The following IL16 variants were observed in gnomAD, a reference collection of about 807,000 sequenced individuals.
IL16 encodes pro-interleukin-16.
In IL16, 67 loss-of-function variants were observed where a neutral mutation model predicts 110.1. The ratio of observed to expected loss-of-function variants is 0.61; its 90% confidence interval spans 0.50 to 0.75. The LOEUF (loss-of-function observed/expected upper bound fraction) is 0.75. Ranked by LOEUF, IL16 falls within the 30% of genes least tolerant of loss-of-function variation. IL16 has a pLI of 0.00. For synonymous variants in IL16, 689 were observed against 662.9 expected (o/e 1.04, Z -0.61); for missense variants, 1,545 against 1,655.0 (o/e 0.93, Z 1.15).
At chr15:81,239,344 C>A (rs1009094547) in intron 2 of IL16, among the ~76,000 whole-genome samples, 5 of 152,122 alleles carry the variant, frequency 3.3e-5, no homozygotes, top group African/African-American at 1.2e-4. Flanking sequence ...AGAGCCCTTG[C>A]AGTGCTATTC....
At position 81,292,900 on chromosome 15, in the gene IL16, G is replaced by A. The variant is rs982973742; in HGVS notation, c.1765G>A (p.Val589Met). 1.2e-6 allele frequency: 2 copies of A among 1,614,054 alleles called. No individual in the cohort carries two copies. The highest frequency in any genetic ancestry group is 1.7e-5 in the Admixed American group (1 of 60,004). ...ACTGAAGAAATCCTTTGAGATTTTG[G>A]TGAGAAAGCCTATGTCCTCCAAGCC... ...LRLKKSFEIL[V>M]RKPMSSKPKP... Residue 589 changes from valine (V) to methionine (M), a missense_variant, in exon 12 of 19, where the codon GTG (valine) becomes ATG (methionine). Physicochemically the swap from Val to Met is conservative, Grantham distance 21. Coordinates refer to ENST00000683961, the MANE Select transcript of IL16 (RefSeq NM_172217.5).
chr15:81,297,141 T>C (rs1372369955), intron 13 of IL16, 63 bp downstream of exon 13: 3 of 1,523,324 alleles, frequency 2.0e-6, no homozygotes, highest in Non-Finnish European at 2.7e-6. Context: ...AGGGATAAGA[T>C]AAGAGCACAA....
At chr15:81,277,007 T>A (rs1199891678) in intron 6 of IL16, among the ~76,000 whole-genome samples, 3 of 147,560 alleles carry the variant, frequency 2.0e-5, no homozygotes, top group Admixed American at 6.7e-5. Context: ...GAATATAAAC[T>A]GTAAGACAAG....
chr15:81,203,068 A>C (rs972583386), intron 1 of IL16, among the ~76,000 whole-genome samples: 16 of 152,048 alleles, frequency 1.1e-4, no homozygotes, highest in Admixed American at 1.3e-4. Context: ...CATTTCTCTG[A>C]TGGCCAGTGA....
chr15:81,307,156 T>G (rs1596061430), intron 18 of IL16, among the ~76,000 whole-genome samples: 1 of 152,336 alleles, frequency 6.6e-6, no homozygotes, highest in East Asian at 1.9e-4. Context: ...GGCTACCATG[T>G]AAAACCATCC....
In IL16 at chr15:81,259,764, T is replaced by G; in HGVS notation, c.313-8T>G. 1 of 1,600,066 alleles carries G rather than the reference T, an allele frequency of 6.2e-7. No individual in the cohort carries two copies. Among genetic ancestry groups the G allele is most frequent in the South Asian group, 1.1e-5 (1 of 90,758 alleles). ...TTGCTGAATAAAAAGACGGCAATTGTTTTGCAGGAATCTTCCACAGCTTCC... is the reference window on the plus strand; with the variant it reads ...TTGCTGAATAAAAAGACGGCAATTGGTTTGCAGGAATCTTCCACAGCTTCC... On this transcript the variant is annotated splice_polypyrimidine_tract_variant and splice_region_variant and intron_variant, in intron 2 of 18. Coordinates refer to ENST00000683961, the MANE Select transcript of IL16 (RefSeq NM_172217.5).
chr15:81,255,270 G>A (rs1897905738), intron 2 of IL16, among the ~76,000 whole-genome samples: 1 of 152,148 alleles, frequency 6.6e-6, no homozygotes, highest in Non-Finnish European at 1.5e-5. Flanking sequence ...AACTTGGGTC[G>A]AGATAGAACA....
At chr15:81,219,445 T>G (rs1031036187) in intron 1 of IL16, among the ~76,000 whole-genome samples, 1 of 150,218 alleles carries the variant, frequency 6.7e-6, no homozygotes, top group Non-Finnish European at 1.5e-5. Context: ...AGGTAATATA[T>G]TACCTCCATA....
intron 2 of IL16, among the ~76,000 whole-genome samples, chr15:81,234,696 T>C (rs1897123031): frequency 6.6e-6 from 1 of 152,256 alleles, no homozygotes; most frequent in East Asian, 1.9e-4. Flanking sequence ...CCTGCATTTA[T>C]GTGTTTCTCG....
At chr15:81,215,541 C>G (rs1896394864) in intron 1 of IL16, among the ~76,000 whole-genome samples, 1 of 152,128 alleles carries the variant, frequency 6.6e-6, no homozygotes, top group South Asian at 2.1e-4. Flanking sequence ...GACAAATGGC[C>G]CCTTCACCAG....
At chr15:81,249,705 C>T (rs1005491344) in intron 2 of IL16, among the ~76,000 whole-genome samples, 1 of 152,070 alleles carries the variant, frequency 6.6e-6, no homozygotes, top group Non-Finnish European at 1.5e-5. Flanking sequence ...TGTTGGGTTT[C>T]ATGAATTGAT....
intron 2 of IL16, among the ~76,000 whole-genome samples, chr15:81,244,254 G>A (rs1357130798): frequency 2.0e-5 from 3 of 152,042 alleles, no homozygotes; most frequent in Non-Finnish European, 4.4e-5. Flanking sequence ...AAAGTCTATT[G>A]TATTTACTCA....
At chr15:81,306,744 C>A in intron 18 of IL16, 199 bp downstream of exon 18, 1 of 671,844 alleles carries the variant, frequency 1.5e-6, no homozygotes, top group Non-Finnish European at 2.6e-6. Flanking sequence ...TCAATCCCCC[C>A]TCTGTTTTGA....
At position 81,282,624 on chromosome 15, in the gene IL16, C is replaced by T; in HGVS notation, c.1082-15C>T. On this transcript the variant is annotated splice_polypyrimidine_tract_variant and intron_variant, in intron 8 of 18. Transcript: ENST00000683961. Reference sequence around the variant, plus strand: ...TCAGTCCCGGTCTCCCCACCCCGCCCTGTTCTGCTTCCAGAGGCCGGCGTG... The same window carrying T: ...TCAGTCCCGGTCTCCCCACCCCGCCTTGTTCTGCTTCCAGAGGCCGGCGTG... 1 of 1,605,126 alleles carries T rather than the reference C, an allele frequency of 6.2e-7. No homozygotes were observed. The highest frequency in any genetic ancestry group is 8.5e-7 in the Non-Finnish European group (1 of 1,175,034).
intron 1 of IL16, among the ~76,000 whole-genome samples, chr15:81,199,112 T>G (rs892411945): frequency 5.3e-5 from 8 of 150,712 alleles, no homozygotes; most frequent in African/African-American, 1.9e-4. Flanking sequence ...TTTTCATATA[T>G]AGGTTACGTT....
rs1900234559 is a variant in IL16, at chr15:81,300,603, C to T, written c.3149+128C>T. 9.9e-6 allele frequency: 6 copies of T among 607,804 alleles called. No individual in the cohort carries two copies. In the South Asian group the frequency reaches 1.0e-4, roughly 10 times the overall value. The allele number at this position is 607,804 out of a possible 1,614,324, so 37.7% of individuals were successfully genotyped here. A position where few individuals can be genotyped will look rare whatever the true frequency, so the allele number is the denominator to read the frequency against. ...TATATTGATTAAAGAATTGTTCTGC[C>T]TCTTTCTTTCCATGTGTGTGCAGAT... On this transcript the variant is annotated intron_variant, in intron 14 of 18. Transcript: ENST00000683961.
In IL16 at chr15:81,197,891, G is replaced by A. The variant is rs557258918; in HGVS notation, c.-102+739G>A. ...ACTTCAGGCTGAGCCATACAAAGAC[G>A]ACCCCTTTGTCCCAGGAGGCCAGTT... is the stretch of plus-strand genomic sequence containing the variant. On this transcript the variant is annotated intron_variant, in intron 1 of 18. Transcript: ENST00000683961. Among the ~76,000 whole-genome samples the A allele has an allele frequency of 4.0e-5, 6 of 151,814 alleles. No homozygotes were observed. The South Asian group carries it at 6.3e-4, about 16-fold the overall frequency.
intron 1 of IL16, among the ~76,000 whole-genome samples, chr15:81,209,778 C>T (rs1456636193): frequency 6.6e-6 from 1 of 152,208 alleles, no homozygotes; most frequent in Non-Finnish European, 1.5e-5. Context: ...CCTGCCTCCC[C>T]TCGCCAGTGG....
intron 18 of IL16, 70 bp from the exon 19 acceptor site, chr15:81,308,535 T>G: frequency 8.6e-7 from 1 of 1,156,436 alleles, no homozygotes; most frequent in South Asian, 1.5e-5. Flanking sequence ...TCTTTGGAGA[T>G]CAAGGAGAGG....
Sources: gnomAD v4.1 joint callset for allele counts (sites outside exome capture counted in the v4.1 genomes callset) on GRCh38, gnomAD v4.1.1 for gene constraint, MANE v1.5 for transcripts, NCBI Gene and HGNC (gene_info 2026-07-23, HGNC 2026-07-21) for gene names.